The following PSG3 variants were observed in gnomAD, a reference collection of about 807,000 sequenced individuals.
The protein encoded by PSG3 is pregnancy specific beta-1-glycoprotein 3.
A neutral mutation model predicts 47.5 loss-of-function variants in PSG3; 61 were observed. The ratio of observed to expected loss-of-function variants is 1.28; its 90% CI spans 1.05 to 1.59. The LOEUF is 1.59. Among genes scored for constraint, PSG3 ranks in the 40% most tolerant of loss-of-function variants. The probability of loss-of-function intolerance (pLI) is 0.00; values close to 1 mark genes in which losing one functional copy is unlikely to be tolerated. For synonymous variants in PSG3, 263 were observed against 198.4 expected (o/e 1.33, Z -2.74); for missense variants, 756 against 524.0 (o/e 1.44, Z -4.32).
chr19:42,728,286 C>T (rs1420230720), intron 5 of PSG3, among the ~76,000 whole-genome samples: 1 of 152,144 alleles, frequency 6.6e-6, no homozygotes, highest in African/African-American at 2.4e-5. Context: ...AGTAGTCTTA[C>T]CCTCTCTATA....
intron 5 of PSG3, among the ~76,000 whole-genome samples, chr19:42,725,934 C>A (rs565672441): frequency 7.1e-6 from 1 of 140,588 alleles, no homozygotes; most frequent in South Asian, 2.2e-4. Flanking sequence ...GAAGCGATTA[C>A]TACCAATTCT....
intron 4 of PSG3, 74 bp downstream of exon 4, chr19:42,729,704 A>G: frequency 6.4e-7 from 1 of 1,574,122 alleles, no homozygotes; most frequent in Non-Finnish European, 8.6e-7. Context: ...CCAGAGAGAG[A>G]GTGAGAGGCC....
chr19:42,739,684 C>T (rs555948720), intron 1 of PSG3, among the ~76,000 whole-genome samples: 1 of 151,640 alleles, frequency 6.6e-6, no homozygotes, highest in African/African-American at 2.4e-5. Context: ...TTTCTTCCCC[C>T]AGTTGTTGAG....
chr19:42,739,102 G>A lies in PSG3; in HGVS notation c.65-13C>T, dbSNP rs770806431. 6.3e-7 allele frequency: 1 copy of A among 1,589,656 alleles called. No homozygotes were observed. The highest frequency in any genetic ancestry group is 8.6e-7 in the Non-Finnish European group (1 of 1,163,450). The stretch of plus-strand genomic sequence containing the variant: ...TTTAAAAGTAATGCTAGGAGGTGGA[G>A]AGAGCATCAGTCAATATTGAGACCT... On this transcript the variant is annotated splice_polypyrimidine_tract_variant and intron_variant, in intron 1 of 6. Coordinates refer to ENST00000327495, the MANE Select transcript of PSG3 (RefSeq NM_021016.4).
intron 3 of PSG3, among the ~76,000 whole-genome samples, chr19:42,730,662 G>A (rs955155407): frequency 2.0e-5 from 3 of 152,188 alleles, no homozygotes; most frequent in African/African-American, 7.2e-5. Flanking sequence ...TTTTTTGCAG[G>A]TGTTTCATGA....
At chr19:42,738,080 T>C (rs1185756998) in intron 2 of PSG3, among the ~76,000 whole-genome samples, 1 of 152,236 alleles carries the variant, frequency 6.6e-6, no homozygotes, top group African/African-American at 2.4e-5. Flanking sequence ...CTAAGCCTCC[T>C]AAGGCAGTTG....
At chr19:42,740,023 G>C (rs1311880711) in intron 1 of PSG3, among the ~76,000 whole-genome samples, 1 of 151,550 alleles carries the variant, frequency 6.6e-6, no homozygotes, top group African/African-American at 2.4e-5. Context: ...CACTATCTCG[G>C]CTCACTGCAA....
chr19:42,738,970 G>T lies in PSG3; in HGVS notation c.184C>A (p.Leu62Ile), dbSNP rs756569204. Residue 62 changes from leucine (L) to isoleucine (I), a missense_variant, in exon 2 of 7, where the codon CTT becomes ATT. Physicochemically the swap from Leu to Ile is conservative, Grantham distance 5 (BLOSUM62 2). Transcript: ENST00000327495. ...LLLVHNLPQN[L>I]AGYIWYKGQM... The stretch of plus-strand genomic sequence containing the variant: ...CCTTTGTACCAGATGTAGCCAGCAA[G>T]ATTCTGGGGCAAATTGTGGACAAGT... The T allele has an allele frequency of 6.2e-7, 1 of 1,614,060 alleles. No homozygotes were observed. The highest frequency in any genetic ancestry group is 8.5e-7 in the Non-Finnish European group (1 of 1,179,964).
intron 2 of PSG3, among the ~76,000 whole-genome samples, chr19:42,736,551 T>A (rs1238626987): frequency 6.6e-6 from 1 of 152,072 alleles, no homozygotes; most frequent in Non-Finnish European, 1.5e-5. Context: ...TCCATCCTCC[T>A]GTTTGGCAGA....
rs573872925 is a variant in PSG3, at chr19:42,740,343, G to T, written c.42C>A (p.Thr14=). The part of the protein sequence containing the change: ...LSAPPCTQRI[T]WKGLLLTALL... ...CACCTGTGAGCAGGAGCCCCTTCCA[G>T]GTGATGCGCTGTGTGCAGGGAGGGG... The change falls in exon 1 of 7, where the codon ACC becomes ACA. Residue 14 remains threonine, a synonymous_variant. Transcript: ENST00000327495. 3.1e-6 allele frequency: 5 copies of T among 1,613,036 alleles called. No homozygotes were observed. Among genetic ancestry groups the T allele is most frequent in the Admixed American group, 1.7e-5 (1 of 59,924 alleles).
chr19:42,728,502 G>A (rs1969411208), intron 5 of PSG3, among the ~76,000 whole-genome samples: 1 of 152,174 alleles, frequency 6.6e-6, no homozygotes, highest in Admixed American at 6.5e-5. Context: ...TTTCCCTGCA[G>A]CCTGGCCCGG....
At chr19:42,738,540 C>G (rs180769545) in intron 2 of PSG3, among the ~76,000 whole-genome samples, 184 bp downstream of exon 2, 185 of 152,252 alleles carry the variant, frequency 1.2e-3, no homozygotes, top group African/African-American at 4.4e-3. Flanking sequence ...GGTCTGGATG[C>G]GGGAAAGGAA....
At chr19:42,730,130 T>A (rs1425377111) in intron 3 of PSG3, 74 bp from the exon 4 acceptor site, 1 of 1,587,916 alleles carries the variant, frequency 6.3e-7, no homozygotes. Context: ...TCAATCAGAG[T>A]TGGCATCTCC....
rs539522168 is a variant in PSG3 at position 42,739,188 on chromosome 19, T to G, written c.65-99A>C. On this transcript the variant is annotated intron_variant, in intron 1 of 6. Coordinates refer to ENST00000327495, the MANE Select transcript of PSG3 (RefSeq NM_021016.4). ...GAGAAGGTCTCTTCAATCCTCAGCT[T>G]TGAAGAGACACACACACACACATAC... is the stretch of plus-strand genomic sequence containing the variant. The G allele has an allele frequency of 1.6e-4, 225 of 1,437,338 alleles. 1 individual carries two copies. The Admixed American group carries it at 4.7e-3, about 30-fold the overall frequency. The allele number at this position is 1,437,338 out of a possible 1,614,324, so 89.0% of individuals were successfully genotyped here. A position where few individuals can be genotyped will look rare whatever the true frequency, so the allele number is the denominator to read the frequency against.
At chr19:42,736,365 G>A (rs941019095) in intron 2 of PSG3, among the ~76,000 whole-genome samples, 19 of 152,118 alleles carry the variant, frequency 1.2e-4, no homozygotes, top group Non-Finnish European at 1.9e-4. Flanking sequence ...GGCTCAGCCC[G>A]TCATGTGGTC....
chr19:42,722,396 G>A (rs1969312781), intron 6 of PSG3, among the ~76,000 whole-genome samples: 1 of 152,074 alleles, frequency 6.6e-6, no homozygotes, highest in Non-Finnish European at 1.5e-5. Flanking sequence ...GACTACAGGT[G>A]CCTGCCACCA....
rs1166923322 is a variant in PSG3 at position 42,721,699 on chromosome 19, C to T, written c.*432G>A. 1 of 350,832 alleles carries T rather than the reference C, an allele frequency of 2.9e-6. No individual in the cohort carries two copies. The highest frequency in any genetic ancestry group is 5.1e-6 in the Non-Finnish European group (1 of 196,120). The allele number at this position is 350,832 out of a possible 1,614,324, so 21.7% of individuals were successfully genotyped here. A position where few individuals can be genotyped will look rare whatever the true frequency, so the allele number is the denominator to read the frequency against. On this transcript the variant is annotated 3_prime_UTR_variant, in exon 7 of 7. Coordinates refer to ENST00000327495, the MANE Select transcript of PSG3 (RefSeq NM_021016.4). ...CATATGAATACTCCTGAATAGTTTC[C>T]CAATTCTGGGGCACTTAGGGAGCAA...
At chr19:42,734,494 G>C (rs921899596) in intron 2 of PSG3, among the ~76,000 whole-genome samples, 2 of 152,156 alleles carry the variant, frequency 1.3e-5, no homozygotes, top group African/African-American at 4.8e-5. Flanking sequence ...CTTATGTTCT[G>C]ACTCTAGTAA....
intron 2 of PSG3, among the ~76,000 whole-genome samples, chr19:42,736,363 C>A (rs564592230): frequency 6.6e-6 from 1 of 152,226 alleles, no homozygotes; most frequent in South Asian, 2.1e-4. Context: ...ATGGCTCAGC[C>A]CGTCATGTGG....
Sources: gnomAD v4.1 joint callset for allele counts (sites outside exome capture counted in the v4.1 genomes callset) on GRCh38, gnomAD v4.1.1 for gene constraint, MANE v1.5 for transcripts, NCBI Gene and HGNC (gene_info 2026-07-23, HGNC 2026-07-21) for gene names.